Variants in TBL1X observed in about 807,000 individuals in gnomAD.
TBL1X encodes the protein F-box-like/WD repeat-containing protein TBL1X.
TBL1X carries 10 observed loss-of-function variants against 50.7 expected under a neutral mutation model. The ratio of observed to expected loss-of-function variants is 0.20; its 90% CI spans 0.12 to 0.33. The LOEUF (loss-of-function observed/expected upper bound fraction) is 0.33. TBL1X is among the 10% of genes least tolerant of loss of function. The pLI, the probability that TBL1X is intolerant of heterozygous loss-of-function variation, is 1.00. For missense variants in TBL1X, 340 were observed against 504.4 expected (o/e 0.67, Z 3.12); for synonymous variants, 190 against 214.7 (o/e 0.88, Z 1.01).
At chrX:9,589,667 A>G (rs2082489214) in intron 2 of TBL1X, among the ~76,000 whole-genome samples, 1 of 111,360 alleles carries the variant, frequency 9.0e-6, no homozygotes, top group Non-Finnish European at 1.9e-5. Context: ...ATTTTTAAAG[A>G]TTTCTAATTG....
At chrX:9,660,189 A>G (rs760820180) in intron 5 of TBL1X, among the ~76,000 whole-genome samples, 1 of 112,673 alleles carries the variant, frequency 8.9e-6, no homozygotes, top group Non-Finnish European at 1.9e-5. Flanking sequence ...CCATGGTATC[A>G]AAGTCATCGA....
At chrX:9,693,738 G>A (rs374249811) in intron 11 of TBL1X, among the ~76,000 whole-genome samples, 3 of 111,612 alleles carry the variant, frequency 2.7e-5, no homozygotes, top group South Asian at 3.8e-4. Context: ...GGTATGGGGC[G>A]TGCCCTGCCT....
chrX:9,502,556 C>T (rs2082006647), intron 2 of TBL1X, among the ~76,000 whole-genome samples: 2 of 112,231 alleles, frequency 1.8e-5, no homozygotes, highest in South Asian at 7.3e-4. Context: ...GGGGTACTTA[C>T]CAGCTGGCAA....
chrX:9,657,559 A>G (rs780096147), intron 5 of TBL1X, among the ~76,000 whole-genome samples: 12 of 112,652 alleles, frequency 1.1e-4, no homozygotes, highest in African/African-American at 1.6e-4. Context: ...AAACTCGGAA[A>G]AGAACCTCAA....
At chrX:9,491,340 T>TATATATATATA (rs1569205608) in intron 1 of TBL1X, among the ~76,000 whole-genome samples, 4 of 26,120 alleles carry the variant, frequency 1.5e-4, no homozygotes, top group African/African-American at 4.2e-4. Flanking sequence ...ATATATATAT[T>TATATATATATA]TTTTTTTTTT....
At chrX:9,659,116 G>C (rs1181225935) in intron 5 of TBL1X, among the ~76,000 whole-genome samples, 1 of 111,931 alleles carries the variant, frequency 8.9e-6, no homozygotes, top group Admixed American at 9.4e-5. Flanking sequence ...GAGCCACTGC[G>C]TTACCTGGCC....
chrX:9,704,679 G>T (rs1364602302), intron 12 of TBL1X, among the ~76,000 whole-genome samples: 7 of 109,538 alleles, frequency 6.4e-5, no homozygotes, highest in African/African-American at 1.3e-4. Context: ...GAAGTCAGGA[G>T]TTCAAGGCCA....
intron 11 of TBL1X, 64 bp from the exon 12 acceptor site, chrX:9,697,305 A>G: frequency 8.4e-7 from 1 of 1,185,387 alleles, no homozygotes; most frequent in Non-Finnish European, 1.1e-6. Context: ...TTGTATGATA[A>G]ATGTTTCCAG....
intron 4 of TBL1X, 105 bp from the exon 5 acceptor site, chrX:9,654,110 C>T: frequency 1.6e-6 from 1 of 606,647 alleles, no homozygotes; most frequent in Admixed American, 3.9e-5. Context: ...TATTAATTAC[C>T]TTCATGTGTA....
intron 1 of TBL1X, among the ~76,000 whole-genome samples, chrX:9,488,411 A>C (rs2081924561): frequency 9.0e-6 from 1 of 111,425 alleles, no homozygotes; most frequent in Non-Finnish European, 1.9e-5. Context: ...CTCCATCTGC[A>C]GAGGAGCAGC....
Position 9,674,748 on chromosome X carries a change from A to G in TBL1X, c.212-9295A>G, listed in dbSNP as rs776614192. On this transcript the variant is annotated intron_variant, in intron 5 of 17. Transcript: ENST00000645353. ...CACGGGCCACCACACTCAACTAATT[A>G]TTTTTATTTTTTGTAAAGATGGGGT... Among the ~76,000 whole-genome samples, 225 of 83,454 alleles carry G rather than the reference A, an allele frequency of 2.7e-3. 2 individuals carry two copies. The highest frequency in any genetic ancestry group is 0.01 in the African/African-American group (212 of 21,110). The allele number at this position is 83,454 out of a possible 115,157, so 72.5% of individuals were successfully genotyped here. A position where few individuals can be genotyped will look rare whatever the true frequency, so the allele number is the denominator to read the frequency against.
At chrX:9,560,091 C>T (rs924113498) in intron 2 of TBL1X, among the ~76,000 whole-genome samples, 2 of 111,897 alleles carry the variant, frequency 1.8e-5, no homozygotes, top group Non-Finnish European at 3.8e-5. Context: ...GGGTTCTTGT[C>T]TGGGACCATG....
chrX:9,694,800 C>T, intron 11 of TBL1X, among the ~76,000 whole-genome samples: 1 of 110,026 alleles, frequency 9.1e-6, no homozygotes, highest in Admixed American at 9.7e-5. Context: ...ATGGAGAAAC[C>T]CTGTCTCTAC....
At chrX:9,621,240 A>T (rs1361354636) in intron 2 of TBL1X, among the ~76,000 whole-genome samples, 1 of 111,716 alleles carries the variant, frequency 9.0e-6, no homozygotes, top group Admixed American at 9.5e-5. Flanking sequence ...AGATTCGTTC[A>T]CTGGAGAGAC....
intron 2 of TBL1X, among the ~76,000 whole-genome samples, chrX:9,551,037 G>A (rs767491573): frequency 9.0e-6 from 1 of 111,386 alleles, no homozygotes; most frequent in South Asian, 3.9e-4. Flanking sequence ...CGGGGGATGT[G>A]TAGGAGCTTT....
chrX:9,709,820 T>C (rs939365747), intron 15 of TBL1X, 60 bp downstream of exon 15: 112 of 1,178,003 alleles, frequency 9.5e-5, no homozygotes, highest in Middle Eastern at 7.1e-4. Flanking sequence ...CAGGAAATTC[T>C]GCTAAAGCGC....
chrX:9,568,187 T>C (rs2082361624), intron 2 of TBL1X, among the ~76,000 whole-genome samples: 1 of 111,938 alleles, frequency 8.9e-6, no homozygotes, highest in Non-Finnish European at 1.9e-5. Flanking sequence ...CATCTTCTTG[T>C]CCTCTTTTCG....
chrX:9,619,768 C>T (rs1004193360), intron 2 of TBL1X, among the ~76,000 whole-genome samples: 2 of 111,172 alleles, frequency 1.8e-5, no homozygotes, highest in East Asian at 2.8e-4. Flanking sequence ...AGGTGCGGAC[C>T]GGAGTGCCGC....
chrX:9,500,942 C>T (rs1360191132), intron 1 of TBL1X, among the ~76,000 whole-genome samples: 2 of 111,998 alleles, frequency 1.8e-5, no homozygotes, highest in African/African-American at 6.5e-5. Context: ...AGGGATACTG[C>T]TGAACATCCC....
Sources: gnomAD v4.1 joint callset for allele counts (sites outside exome capture counted in the v4.1 genomes callset) on GRCh38, gnomAD v4.1.1 for gene constraint, MANE v1.5 for transcripts, NCBI Gene and HGNC (gene_info 2026-07-23, HGNC 2026-07-21) for gene names.